Variants in SLC9A8 observed in about 807,000 individuals in gnomAD.
SLC9A8 encodes solute carrier family 9 member A8.
In SLC9A8, 48 loss-of-function variants were observed where a neutral mutation model predicts 66.6. That is an observed-to-expected ratio of 0.72 (90% CI 0.57 to 0.92). The LOEUF (loss-of-function observed/expected upper bound fraction) is 0.92, where lower values mean the gene tolerates loss of function less well. Ranked by LOEUF, SLC9A8 falls within the 40% of genes least tolerant of loss-of-function variation. The probability of loss-of-function intolerance (pLI) is 0.00; values close to 1 mark genes in which losing one functional copy is unlikely to be tolerated. For synonymous variants in SLC9A8, 274 were observed against 282.6 expected (o/e 0.97, Z 0.31); for missense variants, 599 against 747.3 (o/e 0.80, Z 2.31).
At chr20:49,858,063 A>G (rs1266330544) in intron 8 of SLC9A8, among the ~76,000 whole-genome samples, 2 of 152,232 alleles carry the variant, frequency 1.3e-5, no homozygotes, top group African/African-American at 4.8e-5. Context: ...AATTTGGTGT[A>G]AATATATATA....
chr20:49,880,947 G>A lies in SLC9A8; in HGVS notation c.1182G>A (p.Ala394=), dbSNP rs530564201. 8.1e-6 allele frequency: 13 copies of A among 1,613,348 alleles called. No homozygotes were observed. The highest frequency in any genetic ancestry group is 1.7e-4 in the Middle Eastern group (1 of 6,060). The change falls in exon 13 of 16, where the codon GCG becomes GCA. Residue 394 remains alanine (A), a synonymous_variant. Transcript: ENST00000361573. ...WCIVLVLFGR[A]VNIFPLSYLL... is the part of the protein sequence containing the mutation. The stretch of plus-strand genomic sequence containing the variant: ...AGGTGCTTGTACTATTTGGCAGAGC[G>A]GTAAACATTTTCCCTCTTTCCTACC...
At chr20:49,831,402 ACTCTCT>A (rs11469884) in intron 3 of SLC9A8, among the ~76,000 whole-genome samples, 12,342 of 142,802 alleles carry the variant, frequency 0.086, 540 homozygotes, top group African/African-American at 0.12. Context: ...ACACACACAC[ACTCTCT>A]CTCTCTCTCT....
intron 2 of SLC9A8, among the ~76,000 whole-genome samples, chr20:49,817,434 G>C (rs1036435679): frequency 6.7e-6 from 1 of 149,080 alleles, no homozygotes; most frequent in African/African-American, 2.5e-5. Context: ...GGTCTTTTCA[G>C]AAAGTTAAAA....
intron 11 of SLC9A8, among the ~76,000 whole-genome samples, chr20:49,877,504 C>T (rs1182202783): frequency 6.6e-6 from 1 of 152,078 alleles, no homozygotes. Context: ...GCAAATCCTG[C>T]TGGGTGTGAG....
In SLC9A8 at chr20:49,870,692, GTTTTA is replaced by G. The variant is rs144066740; in HGVS notation, c.959-4002_959-3998del. Among the ~76,000 whole-genome samples, 749 of 152,174 alleles carry G rather than the reference GTTTTA, an allele frequency of 4.9e-3. 12 individuals carry two copies. The highest frequency in any genetic ancestry group is 0.016 in the African/African-American group (682 of 41,532). ...TGATAGGATCCTGTTTATTACTTTA[GTTTTA>G]TTTTATTTTAATTTTATTTTTTGAG... On this transcript the variant is annotated intron_variant, in intron 10 of 15. Transcript: ENST00000361573.
At chr20:49,823,202 G>A (rs2086804716) in intron 3 of SLC9A8, 61 bp downstream of exon 3, 1 of 1,282,182 alleles carries the variant, frequency 7.8e-7, no homozygotes, top group Non-Finnish European at 1.1e-6. Context: ...TTTTTTGAGT[G>A]CCTCTTTAGT....
chr20:49,870,374 T>TC (rs1389927947), intron 10 of SLC9A8, among the ~76,000 whole-genome samples: 1 of 152,184 alleles, frequency 6.6e-6, no homozygotes, highest in African/African-American at 2.4e-5. Flanking sequence ...CAGGGAGGTC[T>TC]CCCCTGGAGG....
chr20:49,818,906 C>T (rs1483631843), intron 2 of SLC9A8, among the ~76,000 whole-genome samples: 1 of 152,180 alleles, frequency 6.6e-6, no homozygotes, highest in East Asian at 1.9e-4. Flanking sequence ...TTATTCTAGA[C>T]CTCAGAACTC....
chr20:49,830,240 T>A, intron 3 of SLC9A8: 1 of 942,296 alleles, frequency 1.1e-6, no homozygotes, highest in South Asian at 1.3e-5. Flanking sequence ...AGATGGGATT[T>A]GGGGGCCTTG....
Position 49,884,258 on chromosome 20 carries a change from C to CACACAT in SLC9A8, c.1491+192_1491+193insACACAT, listed in dbSNP as rs1404641225. 3.0e-4 allele frequency: 65 copies of CACACAT among 216,194 alleles called. 5 individuals carry two copies. In the African/African-American group the frequency reaches 4.3e-3, roughly 14 times the overall value. 13.4% of individuals were successfully genotyped at this position (216,194 alleles called of 1,614,324 possible). ...CACACACACGACACACACACACACACGACACACACACACACGACACACACA... is the reference window on the plus strand; with the variant it reads ...CACACACACGACACACACACACACACACACATGACACACACACACACGACACACACA... On this transcript the variant is annotated intron_variant, in intron 14 of 15. Transcript: ENST00000361573.
chr20:49,846,363 T>G (rs1457479892), intron 5 of SLC9A8, among the ~76,000 whole-genome samples: 1 of 151,880 alleles, frequency 6.6e-6, no homozygotes, highest in Non-Finnish European at 1.5e-5. Context: ...GGCCAGTCCT[T>G]GGAGAGAGGA....
At chr20:49,862,849 C>A in intron 8 of SLC9A8, 80 bp from the exon 9 acceptor site, 1 of 1,165,726 alleles carries the variant, frequency 8.6e-7, no homozygotes, top group Non-Finnish European at 1.2e-6. Flanking sequence ...AGCGAATAAG[C>A]AAGAAATGTT....
In SLC9A8 at chr20:49,864,825, A is replaced by G. The variant is rs1161312085; in HGVS notation, c.939A>G (p.Ala313=). The change falls in exon 10 of 16, where the codon GCA becomes GCG. Residue 313 remains alanine, a synonymous_variant. Transcript: ENST00000361573. ...TTGCTTATCTGCCTTATGGGCTTGC[A>G]GAAGGAATCTCACTCTCAGGTAAGT... ...IIFAYLPYGL[A]EGISLSGIMA... is the part of the protein sequence containing the mutation. 6.2e-7 allele frequency: 1 copy of G among 1,611,740 alleles called. No individual in the cohort carries two copies. The highest frequency in any genetic ancestry group is 1.3e-5 in the African/African-American group (1 of 74,886).
In SLC9A8 at chr20:49,850,821, C is replaced by G; in HGVS notation, c.546C>G (p.Ile182Met). ...GTTTTATTTTACAGGCTGATGTAAT[C>G]TCTAAACTCAACATGACAGACAGGT... is the stretch of plus-strand genomic sequence containing the variant. ...GIYFLGQADV[I>M]SKLNMTDSFA... Residue 182 changes from isoleucine to methionine, a missense_variant, in exon 7 of 16, where the codon ATC becomes ATG. Ile to Met is a conservative substitution (Grantham distance 10). Coordinates refer to ENST00000361573, the MANE Select transcript of SLC9A8 (RefSeq NM_015266.3). 1 of 1,610,428 alleles carries G rather than the reference C, an allele frequency of 6.2e-7. No homozygotes were observed. Among genetic ancestry groups the G allele is most frequent in the Non-Finnish European group, 8.5e-7 (1 of 1,178,872 alleles).
chr20:49,879,870 C>T (rs2089563931), intron 12 of SLC9A8, among the ~76,000 whole-genome samples: 1 of 151,554 alleles, frequency 6.6e-6, no homozygotes, highest in Non-Finnish European at 1.5e-5. Flanking sequence ...ATGTACTGTA[C>T]ATGTCTATAT....
At chr20:49,850,464 A>G (rs1600720647) in intron 6 of SLC9A8, among the ~76,000 whole-genome samples, 2 of 152,160 alleles carry the variant, frequency 1.3e-5, no homozygotes, top group South Asian at 4.1e-4. Context: ...AGCCCATTCC[A>G]TTGGATTTTC....
intron 3 of SLC9A8, among the ~76,000 whole-genome samples, chr20:49,824,851 G>A (rs2086859507): frequency 6.6e-6 from 1 of 152,158 alleles, no homozygotes; most frequent in African/African-American, 2.4e-5. Context: ...CCAATGATTA[G>A]TTCAGAGGGG....
chr20:49,851,553 A>C lies in SLC9A8; in HGVS notation c.569+709A>C, dbSNP rs112222592. 3.6e-3 allele frequency among the ~76,000 whole-genome samples: 549 copies of C among 152,342 alleles called. 6 individuals are homozygous for C. Among genetic ancestry groups the C allele is most frequent in the African/African-American group, 0.013 (525 of 41,572 alleles). On this transcript the variant is annotated intron_variant, in intron 7 of 15. Coordinates refer to ENST00000361573, the MANE Select transcript of SLC9A8 (RefSeq NM_015266.3). Reference sequence around the variant, plus strand: ...TGACATGGCTGGGGAGCTGGGCAGCAGGGTCACATGTTCGTCCCCAGATCC... The same window carrying C: ...TGACATGGCTGGGGAGCTGGGCAGCCGGGTCACATGTTCGTCCCCAGATCC...
At chr20:49,836,942 A>G (rs1025724009) in intron 3 of SLC9A8, among the ~76,000 whole-genome samples, 4 of 152,180 alleles carry the variant, frequency 2.6e-5, no homozygotes, top group African/African-American at 9.7e-5. Flanking sequence ...GCTGCTTAGG[A>G]CAAACCTGCC....
Sources: gnomAD v4.1 joint callset for allele counts (sites outside exome capture counted in the v4.1 genomes callset) on GRCh38, gnomAD v4.1.1 for gene constraint, MANE v1.5 for transcripts, NCBI Gene and HGNC (gene_info 2026-07-23, HGNC 2026-07-21) for gene names.